Variants in SRP54 observed in about 807,000 individuals in gnomAD.
SRP54 encodes signal recognition particle 54, also known as signal recognition particle subunit SRP54.
In SRP54, 10 loss-of-function variants were observed where a neutral mutation model predicts 64.8. The ratio of observed to expected loss-of-function variants is 0.15; its 90% CI spans 0.10 to 0.26. The LOEUF is 0.26. SRP54 is among the 10% of genes least tolerant of loss of function. The pLI, the probability that SRP54 is intolerant of heterozygous loss-of-function variation, is 1.00. For missense variants in SRP54, 325 were observed against 613.7 expected (o/e 0.53, Z 4.97); for synonymous variants, 193 against 185.6 (o/e 1.04, Z -0.32).
intron 1 of SRP54, among the ~76,000 whole-genome samples, chr14:34,985,527 TC>T (rs2043881458): frequency 6.6e-6 from 1 of 152,238 alleles, no homozygotes; most frequent in African/African-American, 2.4e-5. Context: ...CAAGGCCACA[TC>T]TTGTCTCAAC....
intron 9 of SRP54, 61 bp downstream of exon 9, chr14:35,013,555 T>C: frequency 2.6e-6 from 4 of 1,512,458 alleles, no homozygotes; most frequent in South Asian, 1.2e-5. Flanking sequence ...GATATGTGTT[T>C]ATAGCTTTCA....
At chr14:35,004,693 G>A (rs2044229639) in intron 4 of SRP54, 1 of 152,080 alleles carries the variant, frequency 6.6e-6, no homozygotes, top group Non-Finnish European at 1.5e-5. Flanking sequence ...CCAAATAATG[G>A]GTCCATAGAG....
At chr14:35,018,668 C>T (rs755857601) in intron 11 of SRP54, 24 bp from the exon 12 acceptor site, 11 of 1,580,794 alleles carry the variant, frequency 7.0e-6, no homozygotes, top group Admixed American at 3.6e-5. Flanking sequence ...TTAATATATC[C>T]GAATTATTTA....
chr14:35,013,196 C>T (rs1218532972), intron 8 of SRP54, 150 bp from the exon 9 acceptor site: 1 of 645,978 alleles, frequency 1.5e-6, no homozygotes, highest in Admixed American at 3.0e-5. Flanking sequence ...CTCAGGTGAT[C>T]CACCTGGCTC....
chr14:34,996,900 T>A, intron 2 of SRP54, 113 bp downstream of exon 2: 1 of 753,206 alleles, frequency 1.3e-6, no homozygotes, highest in Non-Finnish European at 2.2e-6. Flanking sequence ...ACTTAATACT[T>A]GTAGATAAAA....
intron 5 of SRP54, among the ~76,000 whole-genome samples, 163 bp downstream of exon 5, chr14:35,007,550 A>C (rs1377402651): frequency 7.0e-6 from 1 of 142,308 alleles, no homozygotes; most frequent in Non-Finnish European, 1.5e-5. Context: ...AAATAATGTT[A>C]TTTTATATAA....
chr14:35,006,300 A>G (rs540229531), intron 4 of SRP54, among the ~76,000 whole-genome samples: 1 of 152,332 alleles, frequency 6.6e-6, no homozygotes, highest in Admixed American at 6.5e-5. Flanking sequence ...TGACCTGGAA[A>G]ATCTTTCACA....
intron 3 of SRP54, 173 bp downstream of exon 3, chr14:34,999,822 A>G (rs1036971849): frequency 2.2e-6 from 1 of 454,576 alleles, no homozygotes; most frequent in East Asian, 3.3e-5. Flanking sequence ...CGTTTCCATA[A>G]TGATGGTTCA....
intron 14 of SRP54, among the ~76,000 whole-genome samples, chr14:35,026,545 C>A (rs1412673659): frequency 6.6e-6 from 1 of 152,148 alleles, no homozygotes; most frequent in African/African-American, 2.4e-5. Context: ...GCATCTCTTT[C>A]ATTGACTGCC....
intron 1 of SRP54, among the ~76,000 whole-genome samples, chr14:34,989,682 G>A (rs907011636): frequency 1.3e-5 from 2 of 152,034 alleles, no homozygotes; most frequent in African/African-American, 2.4e-5. Flanking sequence ...AAGATTCCAG[G>A]AGTGGTTCCT....
intron 15 of SRP54, among the ~76,000 whole-genome samples, chr14:35,028,840 C>T (rs1237409877): frequency 6.6e-6 from 1 of 152,016 alleles, no homozygotes; most frequent in African/African-American, 2.4e-5. Context: ...TCATTTATTC[C>T]TCGCAATAAC....
At chr14:35,010,248 G>T (rs1321519711) in intron 7 of SRP54, among the ~76,000 whole-genome samples, 1 of 151,996 alleles carries the variant, frequency 6.6e-6, no homozygotes, top group Non-Finnish European at 1.5e-5. Context: ...GGGAGTTCAA[G>T]ACCAGCCTGA....
chr14:35,029,020 A>T, intron 15 of SRP54, 41 bp from the exon 16 acceptor site: 1 of 1,489,498 alleles, frequency 6.7e-7, no homozygotes, highest in Non-Finnish European at 9.3e-7. Flanking sequence ...TCTGCTTAAT[A>T]ATTCTCTGTT....
chr14:34,991,127 TTTG>T (rs1555352959), intron 1 of SRP54, among the ~76,000 whole-genome samples: 24 of 123,184 alleles, frequency 1.9e-4, no homozygotes, highest in South Asian at 1.2e-3. Flanking sequence ...TTTTTTTTTT[TTTG>T]TTGTTGTTGT....
At chr14:34,997,431 C>A (rs1488471739) in intron 2 of SRP54, among the ~76,000 whole-genome samples, 2 of 152,092 alleles carry the variant, frequency 1.3e-5, no homozygotes, top group African/African-American at 4.8e-5. Context: ...TTTGTATCAA[C>A]AATGGAAAAG....
intron 7 of SRP54, among the ~76,000 whole-genome samples, chr14:35,010,896 T>TA (rs2044346313): frequency 6.6e-6 from 1 of 152,214 alleles, no homozygotes; most frequent in South Asian, 2.1e-4. Context: ...GGTTATGTGT[T>TA]ACAGAAATAT....
chr14:35,021,170 T>C (rs1033680061), intron 13 of SRP54, among the ~76,000 whole-genome samples: 1 of 152,210 alleles, frequency 6.6e-6, no homozygotes, highest in Non-Finnish European at 1.5e-5. Flanking sequence ...AGACTTCACC[T>C]GGATTTCAGT....
At chr14:35,000,045 C>T (rs1257137202) in intron 3 of SRP54, among the ~76,000 whole-genome samples, 1 of 151,996 alleles carries the variant, frequency 6.6e-6, no homozygotes, top group African/African-American at 2.4e-5. Context: ...ACTGTATTCT[C>T]TTTTGTTCTC....
intron 4 of SRP54, among the ~76,000 whole-genome samples, chr14:35,004,141 T>C (rs1230078312): frequency 6.6e-6 from 1 of 151,740 alleles, no homozygotes; most frequent in Admixed American, 6.6e-5. Flanking sequence ...TCCCAGCTAC[T>C]TGGGAGGCTG....
Sources: gnomAD v4.1 joint callset for allele counts (sites outside exome capture counted in the v4.1 genomes callset) on GRCh38, gnomAD v4.1.1 for gene constraint, MANE v1.5 for transcripts, NCBI Gene and HGNC (gene_info 2026-07-23, HGNC 2026-07-21) for gene names.